PCSK7: variants seen among roughly 807,000 people sequenced by gnomAD.
PCSK7 encodes the protein proprotein convertase subtilisin/kexin type 7.
A neutral mutation model predicts 73.3 loss-of-function variants in PCSK7; 38 were observed. The ratio of observed to expected loss-of-function variants is 0.52; its 90% CI spans 0.40 to 0.68. The LOEUF (loss-of-function observed/expected upper bound fraction) is 0.68, where lower values mean the gene tolerates loss of function less well. Ranked by LOEUF, PCSK7 falls within the 30% of genes least tolerant of loss-of-function variation. The probability of loss-of-function intolerance (pLI) is 0.00; values close to 1 mark genes in which losing one functional copy is unlikely to be tolerated. For missense variants in PCSK7, 692 were observed against 991.5 expected, an observed-to-expected ratio of 0.70 and a Z score of 4.06; for synonymous variants, 296 against 383.8, an observed-to-expected ratio of 0.77 and a Z score of 2.68.
Position 117,204,558 on chromosome 11 carries a change from C to T in PCSK7, c.*1439G>A. On this transcript the variant is annotated 3_prime_UTR_variant, in exon 17 of 17. Coordinates refer to ENST00000320934, the MANE Select transcript of PCSK7 (RefSeq NM_004716.4). ...CTCAGCCCAACTTCTTACCCGAAAG[C>T]ATCACTGCCTTGGCCCCTCCCTCCC... 1.3e-6 allele frequency: 1 copy of T among 798,660 alleles called. No individual in the cohort carries two copies. Among genetic ancestry groups the T allele is most frequent in the Non-Finnish European group, 2.1e-6 (1 of 480,432 alleles). The allele number at this position is 798,660 out of a possible 1,614,324, so 49.5% of individuals were successfully genotyped here.
chr11:117,218,743 G>A lies in PCSK7; in HGVS notation c.1432-175C>T, dbSNP rs1001234666. On this transcript the variant is annotated intron_variant, in intron 11 of 16. Coordinates refer to ENST00000320934, the MANE Select transcript of PCSK7 (RefSeq NM_004716.4). This position sits in a 1 kb window ranked among gnomAD's most constrained non-coding sequence, Gnocchi z 4.0. ...TCCTGCTTGCTCGCTGGAATGCTCC[G>A]TACAGCCCCCAGCTAAGGAACCAGA... The A allele has an allele frequency of 1.0e-5, 6 of 574,642 alleles. No homozygotes were observed. The highest frequency in any genetic ancestry group is 3.1e-5 in the Admixed American group (1 of 31,786). The allele number at this position is 574,642 out of a possible 1,614,324, so 35.6% of individuals were successfully genotyped here. A position where few individuals can be genotyped will look rare whatever the true frequency, so the allele number is the denominator to read the frequency against.
At chr11:117,227,105 G>A in intron 5 of PCSK7, 52 bp downstream of exon 5, 1 of 1,444,960 alleles carries the variant, frequency 6.9e-7, no homozygotes, top group Non-Finnish European at 9.4e-7. Context: ...AGGAAATGAA[G>A]ACTGTGGTCA....
rs756839211 is a variant in PCSK7 at position 117,229,860 on chromosome 11, C to T, written c.-12-4G>A. On this transcript the variant is annotated splice_polypyrimidine_tract_variant and splice_region_variant and intron_variant, in intron 2 of 16. Transcript: ENST00000320934. ...CCTTCGGCATCAGAGCAGTGGACTG[C>T]AGACAAAGAAAAAGGATATGGAAGA... 32 of 1,473,150 alleles carry T rather than the reference C, an allele frequency of 2.2e-5. No homozygotes were observed. In the Admixed American group the frequency reaches 2.4e-4, roughly 11 times the overall value. 91.3% of individuals were successfully genotyped at this position (1,473,150 alleles called of 1,614,324 possible). A position where few individuals can be genotyped will look rare whatever the true frequency, so the allele number is the denominator to read the frequency against.
intron 12 of PCSK7, chr11:117,212,395 T>C (rs1353898267): frequency 6.9e-6 from 1 of 143,994 alleles, no homozygotes; most frequent in East Asian, 2.1e-4. Flanking sequence ...TCACAGTTTT[T>C]TTTCTTTTCT....
At chr11:117,221,697 T>C (rs1160910418) in intron 9 of PCSK7, 2 of 152,296 alleles carry the variant, frequency 1.3e-5, no homozygotes, top group African/African-American at 2.4e-5. Context: ...TGAGTTAAAA[T>C]GAGAAAGGCC....
In PCSK7 at chr11:117,206,092, G is replaced by A. The variant is rs1368623450; in HGVS notation, c.2263C>T (p.Gln755Ter). Residue 755 changes from glutamine (Q) to a stop codon, truncating the protein, a stop_gained, in exon 17 of 17, where the codon CAA becomes TAA. Coordinates refer to ENST00000320934, the MANE Select transcript of PCSK7 (RefSeq NM_004716.4). LOFTEE classifies it low-confidence loss of function (END_TRUNC). ...SDLLAPDLLE[Q>*]GDWSLSQNKS... ...TTCTGGGACAGGCTCCAGTCCCCTT[G>A]CTCCAGCAGGTCTGGGGCAAGGAGG... 7 of 1,565,038 alleles carry A rather than the reference G, an allele frequency of 4.5e-6. No homozygotes were observed. The Admixed American group carries it at 1.2e-4, about 27-fold the overall frequency.
intron 5 of PCSK7, 86 bp from the exon 6 acceptor site, chr11:117,226,107 C>A: frequency 1.3e-6 from 1 of 774,750 alleles, no homozygotes; most frequent in Non-Finnish European, 2.3e-6. Flanking sequence ...ATGTGGGAGA[C>A]TTATTTTTCC....
intron 6 of PCSK7, 103 bp from the exon 7 acceptor site, chr11:117,224,858 T>A: frequency 1.2e-6 from 1 of 823,466 alleles, no homozygotes; most frequent in Non-Finnish European, 2.1e-6. Context: ...CTGCAGCTCT[T>A]AACTCCTCCC....
Position 117,229,763 on chromosome 11 carries a change from G to A in PCSK7, c.82C>T (p.Leu28Phe), listed in dbSNP as rs1408092956. The A allele has an allele frequency of 4.3e-6, 7 of 1,613,408 alleles. No individual in the cohort carries two copies. The highest frequency in any genetic ancestry group is 3.3e-5 in the South Asian group (3 of 91,024). The change falls in exon 3 of 17, where the codon CTC (leucine) becomes TTC (phenylalanine). Residue 28 changes from leucine (L) to phenylalanine (F), a missense_variant. By Grantham distance (22) the Leu-to-Phe change is conservative (BLOSUM62 0). Transcript: ENST00000320934. ...ATGACCCAGGGAACCAGTAAGAAGAGCCCGGCTAATTCCAGCCAGAGGCAG... is the reference window on the plus strand; with the variant it reads ...ATGACCCAGGGAACCAGTAAGAAGAACCCGGCTAATTCCAGCCAGAGGCAG... ...PTCLWLELAG[L>F]FLLVPWVMGL...
intron 9 of PCSK7, chr11:117,220,670 C>G (rs771713801): frequency 2.0e-5 from 3 of 152,338 alleles, no homozygotes; most frequent in Non-Finnish European, 4.4e-5. Context: ...GCTACTGGGC[C>G]CAGCTGGAGC....
Position 117,205,791 on chromosome 11 carries a change from G to A in PCSK7, c.*206C>T, listed in dbSNP as rs1008065362. 9.6e-5 allele frequency: 43 copies of A among 450,180 alleles called. No individual in the cohort carries two copies. The highest frequency in any genetic ancestry group is 1.2e-3 in the Middle Eastern group (2 of 1,712). 27.9% of individuals were successfully genotyped at this position (450,180 alleles called of 1,614,324 possible). A position where few individuals can be genotyped will look rare whatever the true frequency, so the allele number is the denominator to read the frequency against. On this transcript the variant is annotated 3_prime_UTR_variant, in exon 17 of 17. Transcript: ENST00000320934. ...CAACACCTTCTCACCAAAAGCTCCC[G>A]TTTGGCTGGAGGCAGACCCTGTGGC...
At position 117,205,583 on chromosome 11, in the gene PCSK7, G is replaced by A. The variant is rs2031319543; in HGVS notation, c.*414C>T. 2.1e-5 allele frequency: 5 copies of A among 239,488 alleles called. No individual in the cohort carries two copies. The highest frequency in any genetic ancestry group is 1.8e-4 in the South Asian group (1 of 5,612). 14.8% of individuals were successfully genotyped at this position (239,488 alleles called of 1,614,324 possible). A position where few individuals can be genotyped will look rare whatever the true frequency, so the allele number is the denominator to read the frequency against. ...AGGGGCTCCTCCCAGCCTCTACCCC[G>A]AAGTCCTCTTCCCAAGTGACCCCAG... On this transcript the variant is annotated 3_prime_UTR_variant, in exon 17 of 17. Transcript: ENST00000320934.
intron 6 of PCSK7, chr11:117,225,618 T>C: frequency 2.6e-6 from 1 of 380,572 alleles, no homozygotes; most frequent in South Asian, 3.7e-5. Context: ...GGGATTGGTG[T>C]TGGGCATTCA....
At position 117,205,844 on chromosome 11, in the gene PCSK7, C is replaced by G; in HGVS notation, c.*153G>C. On this transcript the variant is annotated 3_prime_UTR_variant, in exon 17 of 17. Coordinates refer to ENST00000320934, the MANE Select transcript of PCSK7 (RefSeq NM_004716.4). ...TGACCAGACTTCTCTGGCAGCAATC[C>G]TCCACCATTTGTATCTTAAGAAGGC... 1 of 662,830 alleles carries G rather than the reference C, an allele frequency of 1.5e-6. No homozygotes were observed. The highest frequency in any genetic ancestry group is 2.4e-6 in the Non-Finnish European group (1 of 420,140). The allele number at this position is 662,830 out of a possible 1,614,324, so 41.1% of individuals were successfully genotyped here.
rs1249944114 is a variant in PCSK7, at chr11:117,211,914, T to G, written c.1535-2861A>C. On this transcript the variant is annotated intron_variant, in intron 12 of 16. Transcript: ENST00000320934. ...TACTTCATAGGTTTGAGACGAGGAT[T>G]AAACAGTTAATATACCTAAAGCGTT... The G allele has an allele frequency of 3.3e-5, 5 of 152,370 alleles. No individual in the cohort carries two copies. The South Asian group carries it at 8.3e-4, about 25-fold the overall frequency. The allele number at this position is 152,370 out of a possible 1,614,324, so 9.4% of individuals were successfully genotyped here. A position where few individuals can be genotyped will look rare whatever the true frequency, so the allele number is the denominator to read the frequency against.
chr11:117,231,160 T>A (rs2032644582), intron 1 of PCSK7: 1 of 151,700 alleles, frequency 6.6e-6, no homozygotes, highest in Admixed American at 6.6e-5. Flanking sequence ...AAGCCTTTGC[T>A]CTCCACTGGG....
intron 12 of PCSK7, chr11:117,213,956 CTTTTTTTTTTT>C (rs1174445276): frequency 1.1e-5 from 1 of 93,962 alleles, no homozygotes; most frequent in Non-Finnish European, 2.0e-5. Context: ...TTTTCTTTTT[CTTTTTTTTTTT>C]TTTTTTTTTA....
intron 12 of PCSK7, chr11:117,211,824 G>T (rs1374515992): frequency 6.6e-6 from 1 of 152,252 alleles, no homozygotes; most frequent in Non-Finnish European, 1.5e-5. Flanking sequence ...TCTAATCCCA[G>T]CTCTGCCACT....
intron 8 of PCSK7, 83 bp downstream of exon 8, chr11:117,223,995 C>A (rs997664166): frequency 7.2e-7 from 1 of 1,392,184 alleles, no homozygotes; most frequent in East Asian, 2.3e-5. Flanking sequence ...CATTTAGACA[C>A]ACACAGAAGC....
Sources: allele counts gnomAD v4.1 joint callset, GRCh38; gene constraint gnomAD v4.1.1; non-coding constraint Gnocchi (gnomAD v3.1); transcripts MANE v1.5; gene names NCBI Gene and HGNC (gene_info 2026-07-23, HGNC 2026-07-21).